ADGRG4: variants seen among roughly 807,000 people sequenced by gnomAD.
ADGRG4 encodes adhesion G protein-coupled receptor G4.
ADGRG4 carries 122 observed loss-of-function variants against 126.2 expected under a neutral mutation model. The ratio of observed to expected loss-of-function variants is 0.97; its 90% CI spans 0.83 to 1.12. The LOEUF is 1.12. ADGRG4 is among the 50% of genes most tolerant of loss of function. The pLI is 0.00. For missense variants in ADGRG4, 2,481 were observed against 2,251.8 expected, an observed-to-expected ratio of 1.10 and a Z score of -2.06; for synonymous variants, 943 against 838.7, an observed-to-expected ratio of 1.12 and a Z score of -2.15.
intron 4 of ADGRG4, among the ~76,000 whole-genome samples, chrX:136,320,773 G>T (rs2074834767): frequency 9.1e-6 from 1 of 110,261 alleles, no homozygotes; most frequent in Admixed American, 9.7e-5. Flanking sequence ...TAAAAAATTT[G>T]CCAGGCATGG....
chrX:136,356,343 C>T (rs897795077), intron 9 of ADGRG4, among the ~76,000 whole-genome samples, 178 bp downstream of exon 9: 1 of 111,297 alleles, frequency 9.0e-6, no homozygotes, highest in African/African-American at 3.3e-5. Context: ...AAAACCATCC[C>T]CTGCTTTTTT....
At chrX:136,413,813 T>G (rs1384428712) in intron 24 of ADGRG4, among the ~76,000 whole-genome samples, 1 of 108,339 alleles carries the variant, frequency 9.2e-6, no homozygotes, top group Non-Finnish European at 1.9e-5. Flanking sequence ...CCATCTCGGC[T>G]CACCGCAACT....
chrX:136,319,231 G>T (rs1039700959), intron 4 of ADGRG4, among the ~76,000 whole-genome samples: 1 of 112,458 alleles, frequency 8.9e-6, no homozygotes, highest in Non-Finnish European at 1.9e-5. Flanking sequence ...CAGAGGCTGC[G>T]GTGGGGCTCA....
intron 21 of ADGRG4, 45 bp downstream of exon 21, chrX:136,400,161 G>A: frequency 1.0e-6 from 1 of 1,002,233 alleles, no homozygotes; most frequent in South Asian, 2.2e-5. Flanking sequence ...TCTTAAGTCT[G>A]TCTTTCTAAT....
At chrX:136,322,743 T>C (rs779109169) in intron 4 of ADGRG4, 35 bp from the exon 5 acceptor site, 5 of 1,132,822 alleles carry the variant, frequency 4.4e-6, no homozygotes, top group Non-Finnish European at 4.7e-6. Context: ...GAAATTTCAT[T>C]TGTTTTCTCT....
chrX:136,408,382 A>G (rs2075427246), intron 23 of ADGRG4, among the ~76,000 whole-genome samples: 1 of 111,636 alleles, frequency 9.0e-6, no homozygotes, highest in Non-Finnish European at 1.9e-5. Context: ...TTCTCCCCCT[A>G]ATAGTCCCCA....
intron 20 of ADGRG4, 103 bp downstream of exon 20, chrX:136,398,105 A>G: frequency 1.4e-6 from 1 of 731,657 alleles, no homozygotes; most frequent in Non-Finnish European, 2.0e-6. Flanking sequence ...AATAGGAAGA[A>G]GTCAGATCCA....
rs1300244606 is a variant in ADGRG4 at position 136,371,516 on chromosome X, G to A, written c.7585G>A (p.Ala2529Thr). 8.5e-6 allele frequency: 10 copies of A among 1,179,286 alleles called. No homozygotes were observed. The highest frequency in any genetic ancestry group is 3.0e-4 in the Middle Eastern group (1 of 3,332). ...TGTTTTGGAAAAGCAAAACAATTCC[G>A]CCTCTGATCTGCATGAAATAAGCAA... ...NVVLEKQNNS[A>T]SDLHEISNEI... The change falls in exon 14 of 26, where the codon GCC (alanine) becomes ACC (threonine). Residue 2529 changes from alanine (A) to threonine (T), a missense_variant. Coordinates refer to ENST00000394143, the MANE Select transcript of ADGRG4 (RefSeq NM_153834.4).
intron 4 of ADGRG4, among the ~76,000 whole-genome samples, chrX:136,322,502 G>C (rs1180045085): frequency 9.0e-6 from 1 of 111,572 alleles, no homozygotes; most frequent in Non-Finnish European, 1.9e-5. Context: ...TCTCCAAGCT[G>C]TCCAGCTGGT....
Position 136,344,665 on chromosome X carries a change from C to T in ADGRG4, c.959C>T (p.Thr320Ile), listed in dbSNP as rs752199054. 26 of 1,207,942 alleles carry T rather than the reference C, an allele frequency of 2.2e-5. No homozygotes were observed. The highest frequency in any genetic ancestry group is 2.8e-5 in the Non-Finnish European group (25 of 893,334). ...ACATTTGCAGTGGATGTTTTATCAACTTCATCAGCCATCTCTCTGCCTACC... is the reference window on the plus strand; with the variant it reads ...ACATTTGCAGTGGATGTTTTATCAATTTCATCAGCCATCTCTCTGCCTACC... ...TATFAVDVLSTSSAISLPTQS... is the reference protein window; with the variant it reads ...TATFAVDVLSISSAISLPTQS... The change falls in exon 6 of 26, where the codon ACT (threonine) becomes ATT (isoleucine). Residue 320 changes from threonine to isoleucine, a missense_variant. Coordinates refer to ENST00000394143, the MANE Select transcript of ADGRG4 (RefSeq NM_153834.4).
chrX:136,330,833 A>T (rs2148455943), intron 5 of ADGRG4, among the ~76,000 whole-genome samples: 1 of 111,939 alleles, frequency 8.9e-6, no homozygotes, highest in South Asian at 3.8e-4. Flanking sequence ...GTTATAAACA[A>T]TCCAATTATA....
rs375762570 is a variant in ADGRG4, at chrX:136,301,272, C to T, written c.-254+272C>T. Among the ~76,000 whole-genome samples the T allele has an allele frequency of 1.8e-3, 202 of 111,875 alleles. 3 individuals carry two copies. In the South Asian group the frequency reaches 0.028, roughly 15 times the overall value. ...TGTTGTTTCCTGACTTTTTAATGAT[C>T]GCCATTCTAACTGGTGTGAGATGGT... On this transcript the variant is annotated intron_variant, in intron 1 of 25. Coordinates refer to ENST00000394143, the MANE Select transcript of ADGRG4 (RefSeq NM_153834.4).
intron 4 of ADGRG4, among the ~76,000 whole-genome samples, chrX:136,316,921 T>C (rs1169759520): frequency 1.8e-5 from 2 of 111,734 alleles, no homozygotes; most frequent in African/African-American, 6.5e-5. Context: ...CTATGCCAGA[T>C]GCTTCATTCC....
intron 13 of ADGRG4, among the ~76,000 whole-genome samples, chrX:136,366,707 T>G (rs2075160554): frequency 8.9e-6 from 1 of 112,365 alleles, no homozygotes; most frequent in Non-Finnish European, 1.9e-5. Flanking sequence ...GTGTTGTCAG[T>G]GTTTTAGATT....
At position 136,347,319 on chromosome X, in the gene ADGRG4, A is replaced by G; in HGVS notation, c.3613A>G (p.Thr1205Ala). The G allele has an allele frequency of 8.3e-7, 1 of 1,210,705 alleles. No homozygotes were observed. The highest frequency in any genetic ancestry group is 1.1e-6 in the Non-Finnish European group (1 of 894,698). Residue 1205 changes from threonine to alanine, a missense_variant, in exon 6 of 26, where the codon ACA (threonine) becomes GCA (alanine). Coordinates refer to ENST00000394143, the MANE Select transcript of ADGRG4 (RefSeq NM_153834.4). ...TGTTGCCAGCTTGGCTACTGGCACCACAGAGACCTCTGTTGTTGATGAGAC... is the reference window on the plus strand; with the variant it reads ...TGTTGCCAGCTTGGCTACTGGCACCGCAGAGACCTCTGTTGTTGATGAGAC... ...GVVASLATGT[T>A]ETSVVDETTP...
chrX:136,397,863 A>G lies in ADGRG4; in HGVS notation c.8185-18A>G, dbSNP rs370718592. ...TGCTCTGGTGTATGTGTAAAACACAACACATTGTGTTCCTTAGGATTTATC... is the reference window on the plus strand; with the variant it reads ...TGCTCTGGTGTATGTGTAAAACACAGCACATTGTGTTCCTTAGGATTTATC... On this transcript the variant is annotated intron_variant, in intron 19 of 25. Coordinates refer to ENST00000394143, the MANE Select transcript of ADGRG4 (RefSeq NM_153834.4). The G allele has an allele frequency of 7.1e-5, 85 of 1,203,687 alleles. No individual in the cohort carries two copies. The Middle Eastern group carries it at 3.3e-3, about 46-fold the overall frequency.
At chrX:136,324,863 A>C (rs2148452313) in intron 5 of ADGRG4, among the ~76,000 whole-genome samples, 1 of 111,982 alleles carries the variant, frequency 8.9e-6, no homozygotes, top group South Asian at 3.8e-4. Context: ...TTAGTGGGGA[A>C]TGATATTTAT....
At chrX:136,355,070 T>C (rs765353208) in intron 8 of ADGRG4, among the ~76,000 whole-genome samples, 2 of 112,001 alleles carry the variant, frequency 1.8e-5, no homozygotes, top group Non-Finnish European at 3.8e-5. Flanking sequence ...AGTTCCGCCT[T>C]GGGGCAGGTG....
Position 136,344,382 on chromosome X carries a change from AT to A in ADGRG4, c.686-3del. 4.5e-6 allele frequency: 5 copies of A among 1,113,718 alleles called. No individual in the cohort carries two copies. The highest frequency in any genetic ancestry group is 6.0e-6 in the Non-Finnish European group (5 of 835,020). The allele number at this position is 1,113,718 out of a possible 1,213,427, so 91.8% of individuals were successfully genotyped here. The stretch of plus-strand genomic sequence containing the variant: ...AATCCAAAATAACACATTCTTTCTG[AT>A]TTTTTTAGTTGTTCCTGAAAATATG... On this transcript the variant is annotated splice_polypyrimidine_tract_variant and intron_variant, in intron 5 of 25. Coordinates refer to ENST00000394143, the MANE Select transcript of ADGRG4 (RefSeq NM_153834.4).
Sources: gnomAD v4.1 joint callset for allele counts (sites outside exome capture counted in the v4.1 genomes callset) on GRCh38, gnomAD v4.1.1 for gene constraint, MANE v1.5 for transcripts, NCBI Gene and HGNC (gene_info 2026-07-23, HGNC 2026-07-21) for gene names.